RAPGEF4: variants seen among roughly 807,000 people sequenced by gnomAD.
The protein encoded by RAPGEF4 is RAP guanine-nucleotide-exchange factor (GEF) 4.
In RAPGEF4, 66 loss-of-function variants were observed where a neutral mutation model predicts 147.9. The observed-to-expected ratio is 0.45, with a 90% CI of 0.37 to 0.55. The LOEUF is 0.55. Ranked by LOEUF, RAPGEF4 falls within the 20% of genes least tolerant of loss-of-function variation. The pLI, the probability that RAPGEF4 is intolerant of heterozygous loss-of-function variation, is 0.00. For missense variants in RAPGEF4, 1,071 were observed against 1,257.3 expected (o/e 0.85, Z 2.24); for synonymous variants, 419 against 442.7 (o/e 0.95, Z 0.67).
chr2:173,051,839 C>A lies in RAPGEF4; in HGVS notation c.*72C>A. Reference sequence around the variant, plus strand: ...TTCAAAAATGCCATTTATGCTACTACTGACTGTATTGCCACTAGAGAATTC... The same window carrying A: ...TTCAAAAATGCCATTTATGCTACTAATGACTGTATTGCCACTAGAGAATTC... On this transcript the variant is annotated 3_prime_UTR_variant, in exon 31 of 31. Coordinates refer to ENST00000397081, the MANE Select transcript of RAPGEF4 (RefSeq NM_007023.4). 1 of 1,547,996 alleles carries A rather than the reference C, an allele frequency of 6.5e-7. No homozygotes were observed. Among genetic ancestry groups the A allele is most frequent in the South Asian group, 1.2e-5 (1 of 86,514 alleles).
chr2:172,739,973 GTGACCCATGA>G (rs1170319520), intron 1 of RAPGEF4, among the ~76,000 whole-genome samples: 2 of 152,316 alleles, frequency 1.3e-5, no homozygotes, highest in African/African-American at 4.8e-5. Flanking sequence ...TCAGTATTTT[GTGACCCATGA>G]AATTTAGATG....
chr2:172,967,437 C>G lies in RAPGEF4; in HGVS notation c.997C>G (p.Arg333Gly). Residue 333 changes from arginine to glycine, a missense_variant, in exon 10 of 31, where the codon CGC becomes GGC. Transcript: ENST00000397081. ...CGACGCCCACATGAGGATGATCCTT[C>G]GCAAACCGTGAGTGAGAGCTCGTGG... ...GPDAHMRMIL[R>G]KPPGQRTVDD... 6.2e-7 allele frequency: 1 copy of G among 1,610,772 alleles called. No homozygotes were observed. The highest frequency in any genetic ancestry group is 8.5e-7 in the Non-Finnish European group (1 of 1,179,158).
At chr2:173,014,410 T>C (rs1695312069) in intron 17 of RAPGEF4, 54 bp from the exon 18 acceptor site, 3 of 1,606,936 alleles carry the variant, frequency 1.9e-6, no homozygotes, top group Non-Finnish European at 2.6e-6. Flanking sequence ...CCTTTGAAAG[T>C]AGCATGTGAA....
intron 4 of RAPGEF4, among the ~76,000 whole-genome samples, chr2:172,836,049 T>G (rs978359915): frequency 1.3e-5 from 2 of 152,178 alleles, no homozygotes; most frequent in Non-Finnish European, 2.9e-5. Context: ...AAGTGAAAAG[T>G]GAGGTAAATC....
intron 25 of RAPGEF4, among the ~76,000 whole-genome samples, chr2:173,029,663 A>T (rs1288202102): frequency 6.6e-6 from 1 of 152,208 alleles, no homozygotes; most frequent in Admixed American, 6.5e-5. Context: ...TAGAGATCAC[A>T]CCTTATAAGT....
chr2:173,017,227 CTCTG>C (rs1324806180), intron 20 of RAPGEF4, 23 bp downstream of exon 20: 4 of 1,606,820 alleles, frequency 2.5e-6, no homozygotes, highest in South Asian at 1.1e-5. Context: ...AACTTGCATT[CTCTG>C]TCTGTGTCCT....
chr2:172,767,533 T>C (rs190011434), intron 1 of RAPGEF4, among the ~76,000 whole-genome samples: 11 of 152,244 alleles, frequency 7.2e-5, no homozygotes, highest in African/African-American at 2.4e-4. Flanking sequence ...GTTGAATCTA[T>C]GAGGAAAATG....
intron 4 of RAPGEF4, among the ~76,000 whole-genome samples, chr2:172,880,233 C>A (rs1462407999): frequency 6.6e-6 from 1 of 152,194 alleles, no homozygotes; most frequent in Non-Finnish European, 1.5e-5. Flanking sequence ...GTGCTCCGCG[C>A]TCTGGGGAGC....
intron 4 of RAPGEF4, among the ~76,000 whole-genome samples, chr2:172,855,224 G>C (rs1026761497): frequency 6.6e-6 from 1 of 152,012 alleles, no homozygotes; most frequent in Non-Finnish European, 1.5e-5. Flanking sequence ...AATTTTTAAT[G>C]GTTGCTCTGG....
At chr2:172,943,104 G>A (rs13015601) in intron 6 of RAPGEF4, among the ~76,000 whole-genome samples, 57,105 of 151,930 alleles carry the variant, frequency 0.38, 11,524 homozygotes, top group Middle Eastern at 0.48. Context: ...AGAGGGAACA[G>A]ATGGGGCAAA....
intron 12 of RAPGEF4, 99 bp from the exon 13 acceptor site, chr2:172,988,097 C>A: frequency 1.4e-6 from 2 of 1,411,866 alleles, no homozygotes; most frequent in South Asian, 3.5e-5. Context: ...TTTACGTATG[C>A]ATATTTTCTG....
At chr2:173,048,431 A>G in intron 29 of RAPGEF4, 169 bp from the exon 30 acceptor site, 1 of 1,404,606 alleles carries the variant, frequency 7.1e-7, no homozygotes, top group South Asian at 1.6e-5. Flanking sequence ...TACCCCTTTG[A>G]AATAATTAAA....
In RAPGEF4 at chr2:173,016,394, C is replaced by G; in HGVS notation, c.1855C>G (p.Leu619Val). 6.2e-7 allele frequency: 1 copy of G among 1,613,826 alleles called. No individual in the cohort carries two copies. The highest frequency in any genetic ancestry group is 8.5e-7 in the Non-Finnish European group (1 of 1,179,742). Residue 619 changes from leucine to valine, a missense_variant, in exon 19 of 31, where the codon CTC becomes GTC. Transcript: ENST00000397081. Reference sequence around the variant, plus strand: ...AGATGATGCCCGGATGATTGCTGCCCTCAAGGAGCAACTGCCAGAGTTGGA... The same window carrying G: ...AGATGATGCCCGGATGATTGCTGCCGTCAAGGAGCAACTGCCAGAGTTGGA... Reference protein sequence around the residue: ...VSDDARMIAALKEQLPELEKI... With the variant: ...VSDDARMIAAVKEQLPELEKI...
intron 4 of RAPGEF4, among the ~76,000 whole-genome samples, chr2:172,905,915 A>C (rs997730635): frequency 2.0e-5 from 3 of 152,256 alleles, no homozygotes; most frequent in African/African-American, 7.2e-5. Context: ...AACTCAGTCC[A>C]GCCAGTGATC....
At chr2:172,871,646 T>A (rs1695253226) in intron 4 of RAPGEF4, among the ~76,000 whole-genome samples, 1 of 150,578 alleles carries the variant, frequency 6.6e-6, no homozygotes, top group Non-Finnish European at 1.5e-5. Flanking sequence ...TTTTTTGCAC[T>A]GAAGGTAATT....
At chr2:172,821,967 G>T (rs929348279) in intron 4 of RAPGEF4, 1 of 1,613,726 alleles carries the variant, frequency 6.2e-7, no homozygotes, top group African/African-American at 1.3e-5. Flanking sequence ...AAGGACGTAT[G>T]CTCTACAAGG....
intron 4 of RAPGEF4, among the ~76,000 whole-genome samples, chr2:172,898,043 C>T (rs1419725729): frequency 6.6e-6 from 1 of 152,084 alleles, no homozygotes; most frequent in African/African-American, 2.4e-5. Flanking sequence ...CTGAGCACAG[C>T]TGTGTGGGGA....
At chr2:173,000,417 C>T (rs932294063) in intron 16 of RAPGEF4, among the ~76,000 whole-genome samples, 2 of 152,140 alleles carry the variant, frequency 1.3e-5, no homozygotes, top group South Asian at 2.1e-4. Flanking sequence ...CATGTTTTCC[C>T]GGGAAATGTC....
chr2:172,791,761 G>T (rs889605280), intron 1 of RAPGEF4, among the ~76,000 whole-genome samples: 7 of 152,110 alleles, frequency 4.6e-5, no homozygotes, highest in Non-Finnish European at 1.0e-4. Flanking sequence ...TAACAATCTG[G>T]TTCTGAAGCT....
Sources: gnomAD v4.1 joint callset for allele counts (sites outside exome capture counted in the v4.1 genomes callset) on GRCh38, gnomAD v4.1.1 for gene constraint, MANE v1.5 for transcripts, NCBI Gene and HGNC (gene_info 2026-07-23, HGNC 2026-07-21) for gene names.